The following CNTN5 variants were observed in gnomAD, a reference collection of about 807,000 sequenced individuals.
The protein encoded by CNTN5 is contactin-5.
In CNTN5, 77 loss-of-function variants were observed where a neutral mutation model predicts 129.1. The observed-to-expected ratio is 0.60, with a 90% CI of 0.50 to 0.72. The LOEUF is 0.72. Among genes scored for constraint, CNTN5 ranks in the 30% least tolerant of loss-of-function variants. The probability of loss-of-function intolerance (pLI) is 0.00; values close to 1 mark genes in which losing one functional copy is unlikely to be tolerated. For synonymous variants in CNTN5, 509 were observed against 465.6 expected (o/e 1.09, Z -1.20); for missense variants, 1,478 against 1,328.8 (o/e 1.11, Z -1.75).
chr11:99,712,772 A>G (rs894759430), intron 3 of CNTN5, among the ~76,000 whole-genome samples: 2 of 152,034 alleles, frequency 1.3e-5, no homozygotes, highest in African/African-American at 2.4e-5. Context: ...CACGTTTTTT[A>G]AAGATCAGAT....
chr11:100,172,145 CTAATAA>C (rs898956800), intron 13 of CNTN5, among the ~76,000 whole-genome samples: 4 of 151,868 alleles, frequency 2.6e-5, no homozygotes, highest in African/African-American at 9.7e-5. Context: ...TGCATTAAAA[CTAATAA>C]TATTAAAACA....
At chr11:99,536,428 T>C (rs1947901573) in intron 2 of CNTN5, among the ~76,000 whole-genome samples, 1 of 152,118 alleles carries the variant, frequency 6.6e-6, no homozygotes, top group African/African-American at 2.4e-5. Context: ...TTCTGTGCTC[T>C]AAGGAATCTT....
At chr11:99,462,249 T>A (rs1414843504) in intron 2 of CNTN5, among the ~76,000 whole-genome samples, 1 of 152,136 alleles carries the variant, frequency 6.6e-6, no homozygotes, top group Non-Finnish European at 1.5e-5. Flanking sequence ...GATAAAAGTT[T>A]GTATTTTGTA....
chr11:99,233,644 G>C (rs7943765), intron 1 of CNTN5, among the ~76,000 whole-genome samples: 10 of 152,054 alleles, frequency 6.6e-5, no homozygotes, highest in Non-Finnish European at 1.0e-4. Flanking sequence ...TTAATCGTAT[G>C]TGTATTAAAT....
At chr11:100,288,466 G>A (rs1037711137) in intron 18 of CNTN5, among the ~76,000 whole-genome samples, 7 of 151,988 alleles carry the variant, frequency 4.6e-5, no homozygotes, top group Non-Finnish European at 7.4e-5. Context: ...CACCCAAACC[G>A]CTCAACTACA....
At position 99,330,606 on chromosome 11, in the gene CNTN5, C is replaced by T. The variant is rs116869918; in HGVS notation, c.-71+5122C>T. ...TGTTAGCAGGATTCATGATGAGGTG[C>T]CACTCAATGGGAGATGTACAAGAGA... On this transcript the variant is annotated intron_variant, in intron 2 of 24. Coordinates refer to ENST00000524871, the MANE Select transcript of CNTN5 (RefSeq NM_014361.4). Among the ~76,000 whole-genome samples, 1,247 of 152,118 alleles carry T rather than the reference C, an allele frequency of 8.2e-3. 7 individuals carry two copies. Among genetic ancestry groups the T allele is most frequent in the Non-Finnish European group, 0.012 (844 of 68,002 alleles).
At chr11:99,551,516 G>A (rs950745746) in intron 2 of CNTN5, among the ~76,000 whole-genome samples, 2 of 152,140 alleles carry the variant, frequency 1.3e-5, no homozygotes, top group African/African-American at 4.8e-5. Flanking sequence ...CACAATGCTT[G>A]TAATTTATCT....
intron 3 of CNTN5, among the ~76,000 whole-genome samples, chr11:99,722,847 A>G (rs552378566): frequency 1.3e-5 from 2 of 151,700 alleles, no homozygotes; most frequent in South Asian, 2.1e-4. Flanking sequence ...TCCACTCCCA[A>G]CCCCATATAC....
chr11:100,284,423 A>C (rs779210131), intron 18 of CNTN5, among the ~76,000 whole-genome samples: 8 of 152,308 alleles, frequency 5.3e-5, no homozygotes, highest in African/African-American at 9.6e-5. Flanking sequence ...CCCTGTGTTT[A>C]ATTTTTGAAA....
intron 3 of CNTN5, among the ~76,000 whole-genome samples, chr11:99,729,560 A>G (rs1334497214): frequency 6.6e-6 from 1 of 152,170 alleles, no homozygotes; most frequent in Non-Finnish European, 1.5e-5. Context: ...ATTAGAAACT[A>G]GAGGGCTGGT....
At chr11:100,038,396 T>G (rs1308359646) in intron 9 of CNTN5, among the ~76,000 whole-genome samples, 1 of 152,196 alleles carries the variant, frequency 6.6e-6, no homozygotes, top group Non-Finnish European at 1.5e-5. Context: ...AACTATGTGG[T>G]CAATTTTGGA....
chr11:99,584,208 G>A (rs1458404730), intron 3 of CNTN5, among the ~76,000 whole-genome samples: 1 of 152,050 alleles, frequency 6.6e-6, no homozygotes, highest in African/African-American at 2.4e-5. Flanking sequence ...CCTTTTGGGG[G>A]ACAAAGTATA....
intron 3 of CNTN5, among the ~76,000 whole-genome samples, chr11:99,592,237 C>T (rs1316546243): frequency 6.6e-6 from 1 of 152,066 alleles, no homozygotes; most frequent in Admixed American, 6.6e-5. Context: ...GCTTTAAAAG[C>T]CATGGAACAG....
In CNTN5 at chr11:100,016,776, T is replaced by A. The variant is rs117924861; in HGVS notation, c.980+14640T>A. Reference sequence around the variant, plus strand: ...CCACAGAAAGACTATTGAGAATGAATATGCCGAGACATAAACTCAACATCT... The same window carrying A: ...CCACAGAAAGACTATTGAGAATGAAAATGCCGAGACATAAACTCAACATCT... On this transcript the variant is annotated intron_variant, in intron 9 of 24. Transcript: ENST00000524871. Among the ~76,000 whole-genome samples, 598 of 151,996 alleles carry A rather than the reference T, an allele frequency of 3.9e-3. 4 individuals are homozygous for A. The highest frequency in any genetic ancestry group is 6.6e-3 in the Non-Finnish European group (445 of 67,884).
chr11:99,838,204 A>G (rs539362659), intron 4 of CNTN5, among the ~76,000 whole-genome samples: 1 of 152,230 alleles, frequency 6.6e-6, no homozygotes, highest in African/African-American at 2.4e-5. Context: ...GTATTACTGG[A>G]TGTAACCAAG....
chr11:99,076,957 C>G (rs1865601630), intron 1 of CNTN5, among the ~76,000 whole-genome samples: 1 of 152,122 alleles, frequency 6.6e-6, no homozygotes, highest in African/African-American at 2.4e-5. Context: ...TCCAACCAAA[C>G]CAATCATACT....
intron 9 of CNTN5, among the ~76,000 whole-genome samples, chr11:100,048,783 G>C (rs999821777): frequency 3.9e-5 from 6 of 151,946 alleles, no homozygotes; most frequent in Non-Finnish European, 1.5e-5. Flanking sequence ...ATTTTGAAGA[G>C]TATAAAAATA....
chr11:99,444,215 A>G (rs1212414317), intron 2 of CNTN5, among the ~76,000 whole-genome samples: 1 of 152,080 alleles, frequency 6.6e-6, no homozygotes, highest in African/African-American at 2.4e-5. Context: ...AAAGAGAGAG[A>G]GAGAGAAAGA....
intron 13 of CNTN5, among the ~76,000 whole-genome samples, chr11:100,132,237 A>T (rs1433849830): frequency 2.0e-5 from 3 of 152,116 alleles, no homozygotes; most frequent in Non-Finnish European, 4.4e-5. Flanking sequence ...TTATTTGACC[A>T]TGAGTTATTT....
Sources: allele counts gnomAD v4.1 joint callset (sites outside exome capture counted in the v4.1 genomes callset), GRCh38; gene constraint gnomAD v4.1.1; transcripts MANE v1.5; gene names NCBI Gene and HGNC (gene_info 2026-07-23, HGNC 2026-07-21).